ABRACL: variants seen among roughly 807,000 people sequenced by gnomAD.
ABRACL encodes ABRA C-terminal like.
Under a neutral mutation model 7.0 loss-of-function variants are expected in ABRACL, and 4 were observed. The observed-to-expected ratio is 0.57, with a 90% CI of 0.28 to 1.30. ABRACL has a LOEUF of 1.30. Ranked by LOEUF, ABRACL falls within the 50% of genes most tolerant of loss-of-function variation. The probability of loss-of-function intolerance (pLI) is 0.10; values close to 1 mark genes in which losing one functional copy is unlikely to be tolerated. For missense variants in ABRACL, 104 were observed against 97.3 expected (o/e 1.07, Z -0.29); for synonymous variants, 30 against 36.0 (o/e 0.83, Z 0.60).
At chr6:139,030,994 A>G (rs1032551992) in intron 1 of ABRACL, among the ~76,000 whole-genome samples, 1 of 152,304 alleles carries the variant, frequency 6.6e-6, no homozygotes, top group East Asian at 1.9e-4. Flanking sequence ...TGCGTACTAT[A>G]TATAATAGAT....
At chr6:139,036,361 G>A (rs1433325370) in intron 2 of ABRACL, among the ~76,000 whole-genome samples, 1 of 152,142 alleles carries the variant, frequency 6.6e-6, no homozygotes, top group Admixed American at 6.5e-5. Context: ...CTTTTGCCAT[G>A]TAAGGTAACA....
rs533965390 is a variant in ABRACL at position 139,033,587 on chromosome 6, G to A, written c.-6-568G>A. Reference sequence around the variant, plus strand: ...TTTCTCCTTTGTTGCCTTGCTTTGTGTATGCACTTCCTCCTGTGTAGAGTG... The same window carrying A: ...TTTCTCCTTTGTTGCCTTGCTTTGTATATGCACTTCCTCCTGTGTAGAGTG... On this transcript the variant is annotated intron_variant, in intron 1 of 2. Coordinates refer to ENST00000367660, the MANE Select transcript of ABRACL (RefSeq NM_021243.3). Among the ~76,000 whole-genome samples the A allele has an allele frequency of 5.3e-5, 8 of 152,292 alleles. No individual in the cohort carries two copies. In the South Asian group the frequency reaches 6.2e-4, roughly 12 times the overall value.
intron 1 of ABRACL, among the ~76,000 whole-genome samples, chr6:139,033,159 G>C (rs1334991575): frequency 6.6e-6 from 1 of 152,226 alleles, no homozygotes; most frequent in Non-Finnish European, 1.5e-5. Flanking sequence ...GGCTGGAGGT[G>C]AGAGAGCAAG....
intron 1 of ABRACL, among the ~76,000 whole-genome samples, chr6:139,033,894 G>A (rs540261093): frequency 2.2e-3 from 326 of 151,008 alleles, no homozygotes; most frequent in African/African-American, 7.9e-3. Flanking sequence ...GTAGTGAATC[G>A]TGGGTGCAAG....
chr6:139,030,533 T>C (rs1289667557), intron 1 of ABRACL, among the ~76,000 whole-genome samples: 1 of 152,212 alleles, frequency 6.6e-6, no homozygotes, highest in African/African-American at 2.4e-5. Flanking sequence ...TCCCCCTTTG[T>C]CCCTCTCCTT....
intron 2 of ABRACL, among the ~76,000 whole-genome samples, chr6:139,041,945 C>T (rs779050221): frequency 1.6e-4 from 24 of 152,070 alleles, no homozygotes; most frequent in Non-Finnish European, 3.5e-4. Flanking sequence ...GAATGGTCCT[C>T]CCCTCACTGT....
At chr6:139,029,048 T>C (rs765055326) in intron 1 of ABRACL, among the ~76,000 whole-genome samples, 173 bp downstream of exon 1, 3 of 151,612 alleles carry the variant, frequency 2.0e-5, no homozygotes, top group Non-Finnish European at 4.4e-5. Context: ...CGGGTTGGGG[T>C]CCCGTGGGGC....
chr6:139,032,030 G>A (rs886619669), intron 1 of ABRACL, among the ~76,000 whole-genome samples: 4 of 151,620 alleles, frequency 2.6e-5, no homozygotes, highest in Admixed American at 6.6e-5. Flanking sequence ...GCGTGATCTC[G>A]GCTCACTGCA....
chr6:139,039,727 G>C (rs1408367946), intron 2 of ABRACL, among the ~76,000 whole-genome samples: 1 of 152,212 alleles, frequency 6.6e-6, no homozygotes, highest in African/African-American at 2.4e-5. Flanking sequence ...AGAAGACCAG[G>C]CAAGTGATAG....
intron 1 of ABRACL, among the ~76,000 whole-genome samples, chr6:139,031,827 G>A (rs1423675991): frequency 1.3e-5 from 2 of 152,178 alleles, no homozygotes; most frequent in African/African-American, 4.8e-5. Flanking sequence ...CTCTACCCAG[G>A]ATACATGGGT....
chr6:139,029,889 C>G (rs1431209659), intron 1 of ABRACL, among the ~76,000 whole-genome samples: 1 of 152,152 alleles, frequency 6.6e-6, no homozygotes, highest in Non-Finnish European at 1.5e-5. Flanking sequence ...TGCCTCCAAA[C>G]TTTTGAAAAA....
chr6:139,034,883 T>C (rs1430771114), intron 2 of ABRACL, among the ~76,000 whole-genome samples: 1 of 152,238 alleles, frequency 6.6e-6, no homozygotes, highest in Non-Finnish European at 1.5e-5. Flanking sequence ...TAATGAAAAT[T>C]ACTATTATAC....
Position 139,031,613 on chromosome 6 carries a change from C to T in ABRACL, c.-6-2542C>T, listed in dbSNP as rs768815345. Among the ~76,000 whole-genome samples the T allele has an allele frequency of 5.3e-5, 8 of 152,292 alleles. No homozygotes were observed. The South Asian group carries it at 1.2e-3, about 24-fold the overall frequency. On this transcript the variant is annotated intron_variant, in intron 1 of 2. Coordinates refer to ENST00000367660, the MANE Select transcript of ABRACL (RefSeq NM_021243.3). ...GACATTTCTTTGTGTTAGCTTTACT[C>T]CTGGCAAGCTGTTCTCACATGGTGG...
intron 2 of ABRACL, among the ~76,000 whole-genome samples, chr6:139,035,908 T>C (rs891240531): frequency 5.0e-5 from 7 of 140,010 alleles, no homozygotes; most frequent in African/African-American, 1.6e-4. Context: ...GAGACCAGCC[T>C]GGCCAACATG....
Position 139,036,933 on chromosome 6 carries a change from G to A in ABRACL, c.61+2712G>A, listed in dbSNP as rs937341989. ...CAGGACGTCGAGGCTGCAGTGAGCC[G>A]TGTTCAAGCCATTGCACTCCACCCT... is the stretch of plus-strand genomic sequence containing the variant. On this transcript the variant is annotated intron_variant, in intron 2 of 2. Transcript: ENST00000367660. 9.2e-5 allele frequency among the ~76,000 whole-genome samples: 14 copies of A among 152,140 alleles called. No individual in the cohort carries two copies. The South Asian group carries it at 1.5e-3, about 16-fold the overall frequency.
chr6:139,042,057 G>C (rs994176917), intron 2 of ABRACL, among the ~76,000 whole-genome samples: 1 of 152,130 alleles, frequency 6.6e-6, no homozygotes, highest in Admixed American at 6.6e-5. Flanking sequence ...CAAAGGAATC[G>C]CCCAAGGATA....
chr6:139,043,115 A>G lies in ABRACL; in HGVS notation c.*212A>G. 2.7e-6 allele frequency: 1 copy of G among 366,250 alleles called. No homozygotes were observed. The highest frequency in any genetic ancestry group is 7.5e-4 in the Middle Eastern group (1 of 1,334). 22.7% of individuals were successfully genotyped at this position (366,250 alleles called of 1,614,324 possible). A position where few individuals can be genotyped will look rare whatever the true frequency, so the allele number is the denominator to read the frequency against. ...AATAAATCCTATTATTTTTCTCAGG[A>G]ATCTGGTTAGGAATTGCAGGCAATG... On this transcript the variant is annotated 3_prime_UTR_variant, in exon 3 of 3. Transcript: ENST00000367660.
chr6:139,041,531 A>ATTTTTTTTTTTT (rs1554211161), intron 2 of ABRACL, among the ~76,000 whole-genome samples: 1 of 126,038 alleles, frequency 7.9e-6, no homozygotes, highest in African/African-American at 3.1e-5. Flanking sequence ...ATATATATAT[A>ATTTTTTTTTTTT]TTTTTTTTTA....
In ABRACL at chr6:139,042,815, C is replaced by T; in HGVS notation, c.158C>T (p.Ala53Val). The change falls in exon 3 of 3, where the codon GCA (alanine) becomes GTA (valine). Residue 53 changes from alanine (A) to valine (V), a missense_variant. Ala to Val is a moderately conservative substitution (Grantham distance 64, BLOSUM62 0). Coordinates refer to ENST00000367660, the MANE Select transcript of ABRACL (RefSeq NM_021243.3). ...FEALVGTLKAAKRRKIVTYPG... is the reference protein window; with the variant it reads ...FEALVGTLKAVKRRKIVTYPG... Reference sequence around the variant, plus strand: ...GCATTGGTAGGAACTCTTAAAGCTGCAAAACGAAGGAAGATTGTAACATAT... The same window carrying T: ...GCATTGGTAGGAACTCTTAAAGCTGTAAAACGAAGGAAGATTGTAACATAT... The T allele has an allele frequency of 1.2e-6, 2 of 1,613,984 alleles. No individual in the cohort carries two copies. The highest frequency in any genetic ancestry group is 2.7e-5 in the African/African-American group (2 of 75,034).
Sources: gnomAD v4.1 joint callset for allele counts (sites outside exome capture counted in the v4.1 genomes callset) on GRCh38, gnomAD v4.1.1 for gene constraint, MANE v1.5 for transcripts, NCBI Gene and HGNC (gene_info 2026-07-23, HGNC 2026-07-21) for gene names.